DKK2: variants seen among roughly 807,000 people sequenced by gnomAD.
The protein encoded by DKK2 is dickkopf Wnt signaling pathway inhibitor 2, also known as dickkopf-related protein 2.
A neutral mutation model predicts 28.1 loss-of-function variants in DKK2; 11 were observed. The observed-to-expected ratio is 0.39, with a 90% CI of 0.25 to 0.65. DKK2 has a LOEUF of 0.65. DKK2 is among the 30% of genes least tolerant of loss of function. The probability of loss-of-function intolerance (pLI) is 0.47; values close to 1 mark genes in which losing one functional copy is unlikely to be tolerated. For missense variants in DKK2, 326 were observed against 335.5 expected, an observed-to-expected ratio of 0.97 and a Z score of 0.22; for synonymous variants, 135 against 126.5, an observed-to-expected ratio of 1.07 and a Z score of -0.45.
intron 1 of DKK2, among the ~76,000 whole-genome samples, chr4:106,977,556 C>T (rs1253511106): frequency 6.6e-6 from 1 of 152,126 alleles, no homozygotes; most frequent in Non-Finnish European, 1.5e-5. Context: ...GTGTATGCTT[C>T]ACAAAGTTCT....
chr4:106,987,877 T>G (rs1723145626), intron 1 of DKK2, among the ~76,000 whole-genome samples: 1 of 151,700 alleles, frequency 6.6e-6, no homozygotes, highest in Non-Finnish European at 1.5e-5. Flanking sequence ...TTTTTTTTTT[T>G]TTTTTGAGAT....
At chr4:106,933,960 A>ATG (rs138368758) in intron 1 of DKK2, among the ~76,000 whole-genome samples, 8,438 of 146,570 alleles carry the variant, frequency 0.058, 252 homozygotes, top group African/African-American at 0.091. Context: ...TTTCCTGTAA[A>ATG]TGTGTGTGTG....
intron 1 of DKK2, among the ~76,000 whole-genome samples, chr4:106,965,391 T>C (rs1397855453): frequency 1.3e-5 from 2 of 152,118 alleles, no homozygotes; most frequent in African/African-American, 4.8e-5. Flanking sequence ...AATAAGTTTC[T>C]CAAGAATGTC....
rs1578350958 is a variant in DKK2 at position 106,942,013 on chromosome 4, G to C, written c.223-16064C>G. On this transcript the variant is annotated intron_variant, in intron 1 of 3. Coordinates refer to ENST00000285311, the MANE Select transcript of DKK2 (RefSeq NM_014421.3). Reference sequence around the variant, plus strand: ...GGAAGAAGGAAAGGTCAGCTCACAAGGGCAAAAGAGATTTATGTCTAGTGA... The same window carrying C: ...GGAAGAAGGAAAGGTCAGCTCACAACGGCAAAAGAGATTTATGTCTAGTGA... 2.0e-5 allele frequency among the ~76,000 whole-genome samples: 3 copies of C among 152,170 alleles called. No individual in the cohort carries two copies. In the South Asian group the frequency reaches 6.2e-4, roughly 32 times the overall value.
intron 1 of DKK2, among the ~76,000 whole-genome samples, chr4:107,000,427 T>C (rs557419851): frequency 6.6e-6 from 1 of 152,326 alleles, no homozygotes; most frequent in South Asian, 2.1e-4. Flanking sequence ...TTTGTAACTC[T>C]AGACACTAAA....
intron 1 of DKK2, among the ~76,000 whole-genome samples, chr4:106,999,799 T>C (rs1046203962): frequency 1.3e-5 from 2 of 152,220 alleles, no homozygotes; most frequent in Non-Finnish European, 2.9e-5. Context: ...TTTTTTCTCG[T>C]ATTAAATTTT....
In DKK2 at chr4:106,934,870, C is replaced by T. The variant is rs115216828; in HGVS notation, c.223-8921G>A. ...CATTTTAAAAGAGATACTTTAAGGG[C>T]TACAAAATTTTTGCTTAAAAATTAT... On this transcript the variant is annotated intron_variant, in intron 1 of 3. Transcript: ENST00000285311. 4.9e-3 allele frequency among the ~76,000 whole-genome samples: 751 copies of T among 152,238 alleles called. 4 individuals are homozygous for T. The highest frequency in any genetic ancestry group is 0.017 in the African/African-American group (701 of 41,540).
rs752706600 is a variant in DKK2, at chr4:106,924,530, TAC to T, written c.529+13_529+14del. On this transcript the variant is annotated intron_variant, in intron 3 of 3. Coordinates refer to ENST00000285311, the MANE Select transcript of DKK2 (RefSeq NM_014421.3). ...CTTTATTTTAAAAAAACCCCAGAAC[TAC>T]AGATATCCCTACCTTTTATATGTGA... 1 of 1,610,282 alleles carries T rather than the reference TAC, an allele frequency of 6.2e-7. No homozygotes were observed. The highest frequency in any genetic ancestry group is 1.1e-5 in the South Asian group (1 of 90,166).
intron 1 of DKK2, among the ~76,000 whole-genome samples, chr4:106,954,237 C>A (rs531822357): frequency 2.9e-4 from 44 of 152,284 alleles, no homozygotes; most frequent in African/African-American, 1.0e-3. Context: ...AAAAGGCAAG[C>A]TATTATCTAA....
intron 1 of DKK2, among the ~76,000 whole-genome samples, chr4:107,027,112 C>T (rs766554405): frequency 5.3e-5 from 8 of 152,058 alleles, no homozygotes; most frequent in Non-Finnish European, 1.2e-4. Flanking sequence ...AGACAATAGG[C>T]TGCTGAGAGT....
intron 1 of DKK2, among the ~76,000 whole-genome samples, chr4:107,027,877 G>C (rs868151085): frequency 1.9e-4 from 28 of 151,268 alleles, no homozygotes; most frequent in African/African-American, 6.1e-4. Flanking sequence ...TCAGCCTCCT[G>C]AGTAGCTGGG....
At chr4:106,957,069 A>T (rs1487977857) in intron 1 of DKK2, among the ~76,000 whole-genome samples, 4 of 151,962 alleles carry the variant, frequency 2.6e-5, no homozygotes, top group Non-Finnish European at 5.9e-5. Context: ...AAAAACAAAC[A>T]ACCCCATCAA....
chr4:107,014,923 C>G (rs553540034), intron 1 of DKK2, among the ~76,000 whole-genome samples: 18 of 151,574 alleles, frequency 1.2e-4, no homozygotes, highest in Non-Finnish European at 2.1e-4. Flanking sequence ...TACTTATTCA[C>G]CAATGTTAAC....
chr4:106,933,960 ATGTGTG>A (rs138368758), intron 1 of DKK2, among the ~76,000 whole-genome samples: 25 of 146,672 alleles, frequency 1.7e-4, no homozygotes, highest in East Asian at 1.0e-3. Context: ...TTTCCTGTAA[ATGTGTG>A]TGTGTGTGTG....
intron 1 of DKK2, among the ~76,000 whole-genome samples, chr4:106,988,368 A>G (rs1467387236): frequency 6.6e-6 from 1 of 152,246 alleles, no homozygotes; most frequent in Non-Finnish European, 1.5e-5. Context: ...TGGTCACACA[A>G]TAATATTAGG....
At chr4:106,963,233 A>G (rs2110351155) in intron 1 of DKK2, among the ~76,000 whole-genome samples, 1 of 151,888 alleles carries the variant, frequency 6.6e-6, no homozygotes, top group Admixed American at 6.6e-5. Flanking sequence ...GGCACCTGTA[A>G]TCCCAGCTAC....
chr4:107,011,869 C>T (rs1025234974), intron 1 of DKK2, among the ~76,000 whole-genome samples: 3 of 151,282 alleles, frequency 2.0e-5, no homozygotes, highest in African/African-American at 7.3e-5. Context: ...CAAATAGCAC[C>T]TTAGTATTAT....
At chr4:106,949,441 A>G (rs1363025649) in intron 1 of DKK2, among the ~76,000 whole-genome samples, 1 of 152,172 alleles carries the variant, frequency 6.6e-6, no homozygotes, top group East Asian at 1.9e-4. Context: ...TTGGGTAAAA[A>G]TATAACAGTT....
intron 1 of DKK2, among the ~76,000 whole-genome samples, chr4:106,930,762 C>T (rs1360958508): frequency 6.6e-6 from 1 of 152,094 alleles, no homozygotes; most frequent in Admixed American, 6.5e-5. Context: ...AGAAAGCCTG[C>T]AGGGGACGAC....
Sources: allele counts gnomAD v4.1 joint callset (sites outside exome capture counted in the v4.1 genomes callset), GRCh38; gene constraint gnomAD v4.1.1; transcripts MANE v1.5; gene names NCBI Gene and HGNC (gene_info 2026-07-23, HGNC 2026-07-21).